WDTC1: variants seen among roughly 807,000 people sequenced by gnomAD.
The protein encoded by WDTC1 is WD and tetratricopeptide repeats protein 1.
Under a neutral mutation model 76.0 loss-of-function variants are expected in WDTC1, and 12 were observed. The observed-to-expected ratio is 0.16, with a 90% CI of 0.10 to 0.26. The LOEUF is 0.26. WDTC1 is among the 10% of genes least tolerant of loss of function. The probability of loss-of-function intolerance (pLI) is 1.00; values close to 1 mark genes in which losing one functional copy is unlikely to be tolerated. For synonymous variants in WDTC1, 326 were observed against 350.8 expected (o/e 0.93, Z 0.79); for missense variants, 511 against 908.8 (o/e 0.56, Z 5.63).
chr1:27,263,170 T>C lies in WDTC1; in HGVS notation c.67T>C (p.Phe23Leu), dbSNP rs761888738. The C allele has an allele frequency of 6.2e-7, 1 of 1,613,598 alleles. No individual in the cohort carries two copies. The highest frequency in any genetic ancestry group is 8.5e-7 in the Non-Finnish European group (1 of 1,179,802). Reference sequence around the variant, plus strand: ...CCCCTAGGAGCGGGGTGCCCTGAGCTTTGAGCGGCGCTACCATGTCACTGA... The same window carrying C: ...CCCCTAGGAGCGGGGTGCCCTGAGCCTTGAGCGGCGCTACCATGTCACTGA... ...RQIKERGALS[F>L]ERRYHVTDPF... The change falls in exon 3 of 16, where the codon TTT becomes CTT. Residue 23 changes from phenylalanine (F) to leucine (L), a missense_variant. Physicochemically the swap from Phe to Leu is conservative, Grantham distance 22. Transcript: ENST00000319394.
intron 2 of WDTC1, among the ~76,000 whole-genome samples, 195 bp from the exon 3 acceptor site, chr1:27,262,957 G>C (rs1410909890): frequency 6.6e-6 from 1 of 151,354 alleles, no homozygotes; most frequent in African/African-American, 2.4e-5. Flanking sequence ...GCACAACTTA[G>C]TGCTTAATTA....
In WDTC1 at chr1:27,306,572, T is replaced by A. The variant is rs2013961281; in HGVS notation, c.*189T>A. Reference sequence around the variant, plus strand: ...GCTGGCTTTCGGACTCTGGGCTGATTGTCCCCTGACTATCCCCAGCCCTGA... The same window carrying A: ...GCTGGCTTTCGGACTCTGGGCTGATAGTCCCCTGACTATCCCCAGCCCTGA... On this transcript the variant is annotated 3_prime_UTR_variant, in exon 16 of 16. Coordinates refer to ENST00000319394, the MANE Select transcript of WDTC1 (RefSeq NM_001276252.2). The surrounding 1 kb of genome is among the most constrained non-coding windows in gnomAD (Gnocchi z 5.0). 1.4e-6 allele frequency: 1 copy of A among 698,098 alleles called. No homozygotes were observed. Among genetic ancestry groups the A allele is most frequent in the African/African-American group, 1.8e-5 (1 of 55,798 alleles). The allele number at this position is 698,098 out of a possible 1,614,324, so 43.2% of individuals were successfully genotyped here.
In WDTC1 at chr1:27,301,479, AG is replaced by A; in HGVS notation, c.1468+23del. On this transcript the variant is annotated intron_variant, in intron 13 of 15. Coordinates refer to ENST00000319394, the MANE Select transcript of WDTC1 (RefSeq NM_001276252.2). This position sits in a 1 kb window ranked among gnomAD's most constrained non-coding sequence, Gnocchi z 5.8. Reference sequence around the variant, plus strand: ...TGATGGTGGTGAGTGGGCACTGAGGAGGGGGTGCTGTTACTCTTTCTCTTTG... The same window carrying A: ...TGATGGTGGTGAGTGGGCACTGAGGAGGGGTGCTGTTACTCTTTCTCTTTG... The A allele has an allele frequency of 6.2e-7, 1 of 1,607,856 alleles. No homozygotes were observed.
intron 1 of WDTC1, among the ~76,000 whole-genome samples, chr1:27,242,335 G>C (rs185194957): frequency 6.6e-6 from 1 of 152,170 alleles, no homozygotes; most frequent in Admixed American, 6.5e-5. Flanking sequence ...CAGGCATGGT[G>C]ATTTGCACCT....
intron 1 of WDTC1, among the ~76,000 whole-genome samples, chr1:27,257,856 A>G (rs545080359): frequency 4.6e-5 from 7 of 152,054 alleles, no homozygotes; most frequent in African/African-American, 1.7e-4. Context: ...AGTGGTGCAG[A>G]CTAGGCTCAC....
intron 5 of WDTC1, among the ~76,000 whole-genome samples, chr1:27,285,538 C>T (rs1373611806): frequency 2.0e-5 from 3 of 152,068 alleles, no homozygotes; most frequent in Non-Finnish European, 4.4e-5. Flanking sequence ...TTTGAACTCA[C>T]ACGAGAATTC....
intron 1 of WDTC1, among the ~76,000 whole-genome samples, chr1:27,241,465 G>A (rs2011628824): frequency 6.6e-6 from 1 of 152,202 alleles, no homozygotes; most frequent in South Asian, 2.1e-4. Flanking sequence ...TGAGGCCTGA[G>A]TGTTTGGGTG....
chr1:27,251,033 A>ATTTTTTTTTTTTT lies in WDTC1; in HGVS notation c.-99-9898_-99-9886dup, dbSNP rs71584875. ...TGGCGTGCACCACTACTCCTGGCTA[A>ATTTTTTTTTTTTT]TTTTTTTTTTTTTTTTTTTTTTTTT... On this transcript the variant is annotated intron_variant, in intron 1 of 15. Coordinates refer to ENST00000319394, the MANE Select transcript of WDTC1 (RefSeq NM_001276252.2). Among the ~76,000 whole-genome samples the ATTTTTTTTTTTTT allele has an allele frequency of 1.0e-4, 3 of 28,648 alleles. 1 individual carries two copies. Among genetic ancestry groups the ATTTTTTTTTTTTT allele is most frequent in the Non-Finnish European group, 2.4e-4 (3 of 12,588 alleles). The allele number at this position is 28,648 out of a possible 152,430, so 18.8% of individuals were successfully genotyped here. A position where few individuals can be genotyped will look rare whatever the true frequency, so the allele number is the denominator to read the frequency against.
intron 7 of WDTC1, among the ~76,000 whole-genome samples, chr1:27,293,456 A>G (rs1173838854): frequency 1.4e-5 from 2 of 144,564 alleles, no homozygotes; most frequent in Non-Finnish European, 3.0e-5. Flanking sequence ...AAAAAAAAGT[A>G]TAAATTACCC....
At chr1:27,253,754 A>G (rs2012179483) in intron 1 of WDTC1, among the ~76,000 whole-genome samples, 2 of 152,160 alleles carry the variant, frequency 1.3e-5, no homozygotes, top group Non-Finnish European at 2.9e-5. Context: ...CTCTTAGCAG[A>G]ACTGAACATT....
chr1:27,300,261 C>G (rs553162274), intron 12 of WDTC1, among the ~76,000 whole-genome samples: 44 of 152,058 alleles, frequency 2.9e-4, no homozygotes, highest in Middle Eastern at 6.8e-3. Flanking sequence ...GAGAAGGGGC[C>G]ATTAACTCTA....
intron 3 of WDTC1, among the ~76,000 whole-genome samples, chr1:27,265,806 C>T (rs1369208811): frequency 6.6e-6 from 1 of 151,904 alleles, no homozygotes; most frequent in Non-Finnish European, 1.5e-5. Context: ...AATCAGTCGG[C>T]CATGGTGGTG....
At chr1:27,263,320 A>G (rs1432232769) in intron 3 of WDTC1, 85 bp downstream of exon 3, 1 of 1,357,686 alleles carries the variant, frequency 7.4e-7, no homozygotes, top group African/African-American at 1.5e-5. Flanking sequence ...TTATCAAGGC[A>G]TAAACAAGTG....
chr1:27,238,621 A>G (rs997462175), intron 1 of WDTC1, among the ~76,000 whole-genome samples: 1 of 152,162 alleles, frequency 6.6e-6, no homozygotes, highest in Non-Finnish European at 1.5e-5. Flanking sequence ...GCTGGAGTGC[A>G]GTGGCATGAT....
At chr1:27,272,688 G>A (rs2012905501) in intron 3 of WDTC1, among the ~76,000 whole-genome samples, 1 of 152,108 alleles carries the variant, frequency 6.6e-6, no homozygotes, top group Admixed American at 6.6e-5. Flanking sequence ...TTAAAAACAT[G>A]TATAGCTTGA....
At chr1:27,297,749 T>C (rs1570985707) in intron 11 of WDTC1, among the ~76,000 whole-genome samples, 189 bp from the exon 12 acceptor site, 1 of 152,228 alleles carries the variant, frequency 6.6e-6, no homozygotes, top group East Asian at 1.9e-4. Context: ...GGAATGAAAT[T>C]CCAAATGGTA....
chr1:27,263,232 G>A lies in WDTC1; in HGVS notation c.129G>A (p.Leu43=). 1 of 1,612,960 alleles carries A rather than the reference G, an allele frequency of 6.2e-7. No homozygotes were observed. Among genetic ancestry groups the A allele is most frequent in the Non-Finnish European group, 8.5e-7 (1 of 1,179,742 alleles). The change falls in exon 3 of 16, where the codon CTG becomes CTA. Residue 43 remains leucine (L), a synonymous_variant. Coordinates refer to ENST00000319394, the MANE Select transcript of WDTC1 (RefSeq NM_001276252.2). ...GGCGGCTGGGCCTGGAAGCAGAGCT[G>A]CAGGTAAGAGATCCAGTTTGCACCT... ...FIRRLGLEAE[L]QGHSGCVNCL...
intron 3 of WDTC1, among the ~76,000 whole-genome samples, chr1:27,267,938 G>A (rs2012725349): frequency 6.6e-6 from 1 of 152,094 alleles, no homozygotes; most frequent in Non-Finnish European, 1.5e-5. Flanking sequence ...TTTGGCACAT[G>A]TGGTTATATC....
At chr1:27,299,884 T>G (rs144617858) in intron 12 of WDTC1, among the ~76,000 whole-genome samples, 1 of 152,168 alleles carries the variant, frequency 6.6e-6, no homozygotes, top group African/African-American at 2.4e-5. Context: ...CATTCTGTCC[T>G]GGGCCAGTCT....
Sources: gnomAD v4.1 joint callset for allele counts (sites outside exome capture counted in the v4.1 genomes callset) on GRCh38, gnomAD v4.1.1 for gene constraint, Gnocchi (gnomAD v3.1) non-coding constraint, MANE v1.5 for transcripts, NCBI Gene and HGNC (gene_info 2026-07-23, HGNC 2026-07-21) for gene names.